The following RYR2 variants were observed in gnomAD, a reference collection of about 807,000 sequenced individuals.
The protein encoded by RYR2 is ryanodine receptor 2.
A neutral mutation model predicts 601.1 loss-of-function variants in RYR2; 227 were observed. The ratio of observed to expected loss-of-function variants is 0.38; its 90% confidence interval spans 0.34 to 0.42. The LOEUF is 0.42. Ranked by LOEUF, RYR2 falls within the 10% of genes least tolerant of loss-of-function variation. RYR2 has a pLI of 1.00. For synonymous variants in RYR2, 2,223 were observed against 2,175.1 expected (o/e 1.02, Z -0.61); for missense variants, 4,646 against 6,156.5 (o/e 0.75, Z 8.21).
At chr1:237,556,465 TA>T (rs1670893806) in intron 27 of RYR2, among the ~76,000 whole-genome samples, 1 of 39,188 alleles carries the variant, frequency 2.6e-5, no homozygotes, top group Admixed American at 4.2e-4. Context: ...GAGGCCCGGC[TA>T]ATTTTTTTTT....
Position 237,649,911 on chromosome 1 carries a change from T to G in RYR2, c.7547T>G (p.Leu2516Arg). Reference protein sequence around the residue: ...ALSATDMALALNRYLCTAVLP... With the variant: ...ALSATDMALARNRYLCTAVLP... ...AGTGCTACAGACATGGCCTTGGCCC[T>G]CAATCGGTACCTTTGCACAGCCGTC... is the stretch of plus-strand genomic sequence containing the variant. Residue 2516 changes from leucine to arginine, a missense_variant, in exon 50 of 105, where the codon CTC becomes CGC. Transcript: ENST00000366574. 1 of 1,613,976 alleles carries G rather than the reference T, an allele frequency of 6.2e-7. No homozygotes were observed. The highest frequency in any genetic ancestry group is 8.5e-7 in the Non-Finnish European group (1 of 1,179,882).
chr1:237,440,509 A>G (rs567594003), intron 12 of RYR2, among the ~76,000 whole-genome samples: 1 of 152,292 alleles, frequency 6.6e-6, no homozygotes, highest in East Asian at 1.9e-4. Context: ...AAAAATGGAA[A>G]GAGTATGTTG....
rs962375040 is a variant in RYR2, at chr1:237,127,199, G to C, written c.48+84630G>C. 8.6e-5 allele frequency among the ~76,000 whole-genome samples: 13 copies of C among 151,910 alleles called. No individual in the cohort carries two copies. In the East Asian group the frequency reaches 1.6e-3, roughly 18 times the overall value. On this transcript the variant is annotated intron_variant, in intron 1 of 104. Coordinates refer to ENST00000366574, the MANE Select transcript of RYR2 (RefSeq NM_001035.3). ...ATGTCTACTTCTTTCTACACAGACA[G>C]GGCAACCATCCGATTTCTCAATCTT...
intron 17 of RYR2, among the ~76,000 whole-genome samples, chr1:237,480,721 A>G (rs1661969111): frequency 6.6e-6 from 1 of 152,126 alleles, no homozygotes; most frequent in South Asian, 2.1e-4. Flanking sequence ...TACTCCAGCA[A>G]ACTCCTGACT....
chr1:237,684,934 GA>G (rs3035867), intron 62 of RYR2, among the ~76,000 whole-genome samples: 6,437 of 147,718 alleles, frequency 0.044, 472 homozygotes, highest in African/African-American at 0.15. Flanking sequence ...TAATTAGAGA[GA>G]AAAAAAAAAA....
chr1:237,045,171 A>T (rs1372175014), intron 1 of RYR2, among the ~76,000 whole-genome samples: 1 of 152,098 alleles, frequency 6.6e-6, no homozygotes. Flanking sequence ...TGAGCAGGTC[A>T]TTGTCTATTG....
intron 1 of RYR2, among the ~76,000 whole-genome samples, chr1:237,083,453 G>C (rs1665973179): frequency 6.6e-6 from 1 of 152,106 alleles, no homozygotes; most frequent in East Asian, 1.9e-4. Context: ...AACATGGGAG[G>C]GCTAAGCTCC....
chr1:237,309,159 C>A (rs1694248423), intron 2 of RYR2, among the ~76,000 whole-genome samples: 1 of 147,422 alleles, frequency 6.8e-6, no homozygotes. Flanking sequence ...TAGCTAGACA[C>A]AGAGCACTGA....
chr1:237,665,314 G>A (rs997553233), intron 56 of RYR2, among the ~76,000 whole-genome samples: 10 of 149,776 alleles, frequency 6.7e-5, no homozygotes, highest in African/African-American at 1.5e-4. Context: ...CAGGAGAATC[G>A]CTTGAACCTG....
intron 2 of RYR2, among the ~76,000 whole-genome samples, chr1:237,272,084 C>T (rs1288899398): frequency 6.6e-6 from 1 of 151,946 alleles, no homozygotes; most frequent in African/African-American, 2.4e-5. Flanking sequence ...GAGCCAAGAT[C>T]GCACCACTGC....
chr1:237,566,465 A>T, intron 27 of RYR2, 102 bp from the exon 28 acceptor site: 1 of 1,185,060 alleles, frequency 8.4e-7, no homozygotes, highest in South Asian at 1.5e-5. Flanking sequence ...AGGTTGAATT[A>T]CTAAAGTCGT....
intron 43 of RYR2, 37 bp downstream of exon 43, chr1:237,633,747 A>C (rs1680576530): frequency 1.3e-6 from 2 of 1,565,410 alleles, no homozygotes; most frequent in Non-Finnish European, 1.7e-6. Flanking sequence ...TTAAGGTTGA[A>C]ATAATATAAT....
Position 237,767,671 on chromosome 1 carries a change from T to G in RYR2, c.11477-3136T>G, listed in dbSNP as rs549685915. On this transcript the variant is annotated intron_variant, in intron 84 of 104. Coordinates refer to ENST00000366574, the MANE Select transcript of RYR2 (RefSeq NM_001035.3). ...TAAATATTAACTGTAAGCTTATTTT[T>G]TAAATTTACTTTTTAATTGAATTGT... Among the ~76,000 whole-genome samples, 57 of 152,350 alleles carry G rather than the reference T, an allele frequency of 3.7e-4. 1 individual carries two copies. The Middle Eastern group carries it at 0.01, about 27-fold the overall frequency.
At chr1:237,054,272 CCTT>C (rs1661678281) in intron 1 of RYR2, among the ~76,000 whole-genome samples, 1 of 146,558 alleles carries the variant, frequency 6.8e-6, no homozygotes, top group Non-Finnish European at 1.5e-5. Context: ...CCCTTCCTTC[CCTT>C]TTCCTCCCTC....
At chr1:237,448,223 G>A (rs925331588) in intron 14 of RYR2, among the ~76,000 whole-genome samples, 4 of 151,964 alleles carry the variant, frequency 2.6e-5, no homozygotes, top group East Asian at 1.9e-4. Context: ...CACCACACCC[G>A]GCATTGATAT....
At chr1:237,208,937 T>TGTGTAC (rs1491295162) in intron 1 of RYR2, among the ~76,000 whole-genome samples, 1 of 24,726 alleles carries the variant, frequency 4.0e-5, no homozygotes, top group Non-Finnish European at 7.1e-5. Flanking sequence ...TGTGTGTGTG[T>TGTGTAC]ATATATATAT....
chr1:237,669,868 C>T (rs1684742653), intron 58 of RYR2, among the ~76,000 whole-genome samples: 1 of 152,026 alleles, frequency 6.6e-6, no homozygotes, highest in Non-Finnish European at 1.5e-5. Context: ...AGAGACGCTC[C>T]TCACTTCCCA....
At chr1:237,529,350 T>G (rs1313655202) in intron 24 of RYR2, among the ~76,000 whole-genome samples, 1 of 152,168 alleles carries the variant, frequency 6.6e-6, no homozygotes, top group Non-Finnish European at 1.5e-5. Context: ...TTTTAATTTT[T>G]TCATATATAA....
intron 63 of RYR2, among the ~76,000 whole-genome samples, chr1:237,694,186 C>T (rs899346070): frequency 2.7e-5 from 4 of 149,262 alleles, no homozygotes; most frequent in African/African-American, 5.0e-5. Flanking sequence ...CCCAGCTACT[C>T]GGGAGGCTGA....
Sources: gnomAD v4.1 joint callset for allele counts (sites outside exome capture counted in the v4.1 genomes callset) on GRCh38, gnomAD v4.1.1 for gene constraint, MANE v1.5 for transcripts, NCBI Gene and HGNC (gene_info 2026-07-23, HGNC 2026-07-21) for gene names.